Variants in UPF2 observed in about 807,000 individuals in gnomAD.
UPF2 encodes UPF2 regulator of nonsense mediated mRNA decay.
A neutral mutation model predicts 141.4 loss-of-function variants in UPF2; 17 were observed. The ratio of observed to expected loss-of-function variants is 0.12; its 90% CI spans 0.08 to 0.18. The LOEUF (loss-of-function observed/expected upper bound fraction) is 0.18. Ranked by LOEUF, UPF2 falls within the 10% of genes least tolerant of loss-of-function variation. The pLI, the probability that UPF2 is intolerant of heterozygous loss-of-function variation, is 1.00. For synonymous variants in UPF2, 540 were observed against 498.0 expected (o/e 1.08, Z -1.12); for missense variants, 1,152 against 1,515.9 (o/e 0.76, Z 3.99).
intron 16 of UPF2, among the ~76,000 whole-genome samples, chr10:11,945,295 T>C (rs568928980): frequency 2.0e-5 from 3 of 152,330 alleles, no homozygotes; most frequent in African/African-American, 7.2e-5. Context: ...AAGATAAAAA[T>C]AGAACACAGC....
At chr10:11,955,907 C>T (rs1833141461) in intron 13 of UPF2, among the ~76,000 whole-genome samples, 4 of 152,098 alleles carry the variant, frequency 2.6e-5, no homozygotes, top group Admixed American at 2.6e-4. Flanking sequence ...TTTTGGGAGG[C>T]CAAGACAGGT....
Position 11,986,016 on chromosome 10 carries a change from C to G in UPF2, c.1845-6851G>C, listed in dbSNP as rs1196877202. Among the ~76,000 whole-genome samples, 3 of 151,384 alleles carry G rather than the reference C, an allele frequency of 2.0e-5. No homozygotes were observed. The East Asian group carries it at 5.9e-4, about 30-fold the overall frequency. ...TCTCCTGCCTCAGCCTCCCGAGTAG[C>G]TGGGACTACAGGCGCCCGCCACCAA... On this transcript the variant is annotated intron_variant, in intron 8 of 21. Coordinates refer to ENST00000357604, the MANE Select transcript of UPF2 (RefSeq NM_015542.4).
chr10:11,940,673 G>A lies in UPF2; in HGVS notation c.3378+1992C>T, dbSNP rs898847517. 2.0e-5 allele frequency among the ~76,000 whole-genome samples: 3 copies of A among 152,062 alleles called. No individual in the cohort carries two copies. The highest frequency in any genetic ancestry group is 2.9e-5 in the Non-Finnish European group (2 of 68,006). On this transcript the variant is annotated intron_variant, in intron 18 of 21. Coordinates refer to ENST00000357604, the MANE Select transcript of UPF2 (RefSeq NM_015542.4). This position sits in a 1 kb window ranked among gnomAD's most constrained non-coding sequence, Gnocchi z 4.2. The stretch of plus-strand genomic sequence containing the variant: ...AAATAAGCCAGGTCGTTCTACCTCC[G>A]AAATAGCTCAAATCCAGACTTCTCT...
chr10:12,008,474 C>CA (rs1359917576), intron 4 of UPF2, among the ~76,000 whole-genome samples: 1 of 151,272 alleles, frequency 6.6e-6, no homozygotes, highest in Admixed American at 6.6e-5. Context: ...ACTAAAAATA[C>CA]AAAAAATTAG....
rs113233022 is a variant in UPF2 at position 11,984,238 on chromosome 10, G to A, written c.1845-5073C>T. 2.2e-3 allele frequency among the ~76,000 whole-genome samples: 329 copies of A among 152,228 alleles called. 1 individual carries two copies. Among genetic ancestry groups the A allele is most frequent in the Admixed American group, 7.1e-3 (109 of 15,300 alleles). On this transcript the variant is annotated intron_variant, in intron 8 of 21. Coordinates refer to ENST00000357604, the MANE Select transcript of UPF2 (RefSeq NM_015542.4). ...GCCCGATCAATTAATAACTTTTAAC[G>A]CTTTCTTCCATGATTACCGTTCTAT...
At chr10:11,932,819 C>A (rs1301533920) in intron 19 of UPF2, among the ~76,000 whole-genome samples, 2 of 152,124 alleles carry the variant, frequency 1.3e-5, no homozygotes, top group African/African-American at 2.4e-5. Flanking sequence ...AACATACAAT[C>A]CCAAGTTACT....
rs565216083 is a variant in UPF2, at chr10:12,016,210, A to T, written c.1146-2026T>A. Among the ~76,000 whole-genome samples the T allele has an allele frequency of 7.9e-3, 1,201 of 152,036 alleles. 7 individuals carry two copies. Among genetic ancestry groups the T allele is most frequent in the Non-Finnish European group, 0.013 (911 of 67,976 alleles). On this transcript the variant is annotated intron_variant, in intron 3 of 21. Coordinates refer to ENST00000357604, the MANE Select transcript of UPF2 (RefSeq NM_015542.4). This position sits in a 1 kb window ranked among gnomAD's most constrained non-coding sequence, Gnocchi z 4.1. The stretch of plus-strand genomic sequence containing the variant: ...TCATTTTGGAAGTGAAAAGTCATTT[A>T]AAAAAAATTTTTTTTAATTTACTTT...
At chr10:12,029,971 C>CAA (rs568108700) in intron 2 of UPF2, among the ~76,000 whole-genome samples, 1 of 135,828 alleles carries the variant, frequency 7.4e-6, no homozygotes, top group Non-Finnish European at 1.6e-5. Context: ...AAAAAAAAAA[C>CAA]AAAAAAAAAA....
At chr10:11,960,831 C>A (rs1000105613) in intron 11 of UPF2, among the ~76,000 whole-genome samples, 1 of 151,392 alleles carries the variant, frequency 6.6e-6, no homozygotes, top group African/African-American at 2.4e-5. Flanking sequence ...CTGGCTCATG[C>A]CTGTAATCCC....
rs1588529919 is a variant in UPF2, at chr10:11,943,248, A to G, written c.3175-80T>C. 4 of 1,189,136 alleles carry G rather than the reference A, an allele frequency of 3.4e-6. No homozygotes were observed. The East Asian group carries it at 9.4e-5, about 28-fold the overall frequency. The allele number at this position is 1,189,136 out of a possible 1,614,324, so 73.7% of individuals were successfully genotyped here. A position where few individuals can be genotyped will look rare whatever the true frequency, so the allele number is the denominator to read the frequency against. Reference sequence around the variant, plus strand: ...TTACATGCCTTAAAAAGATTTCAAAACTTCTGTATAATTGTTTATTATTCT... The same window carrying G: ...TTACATGCCTTAAAAAGATTTCAAAGCTTCTGTATAATTGTTTATTATTCT... On this transcript the variant is annotated intron_variant, in intron 16 of 21. Transcript: ENST00000357604.
rs1352714757 is a variant in UPF2 at position 12,014,880 on chromosome 10, G to C, written c.1146-696C>G. Among the ~76,000 whole-genome samples, 1 of 152,106 alleles carries C rather than the reference G, an allele frequency of 6.6e-6. No homozygotes were observed. The highest frequency in any genetic ancestry group is 1.5e-5 in the Non-Finnish European group (1 of 68,012). On this transcript the variant is annotated intron_variant, in intron 3 of 21. Coordinates refer to ENST00000357604, the MANE Select transcript of UPF2 (RefSeq NM_015542.4). This position sits in a 1 kb window ranked among gnomAD's most constrained non-coding sequence, Gnocchi z 5.0. ...GTGCAAGTACTGGTTATTTATCCAG[G>C]TAACAAATACTGAGAAGTCCACTCA...
chr10:11,957,079 C>T (rs1444356643), intron 12 of UPF2, among the ~76,000 whole-genome samples: 3 of 152,146 alleles, frequency 2.0e-5, no homozygotes, highest in Non-Finnish European at 2.9e-5. Context: ...CTTGGCCTCC[C>T]AAAGTGCTGG....
At chr10:11,951,814 T>A (rs538217895) in intron 15 of UPF2, among the ~76,000 whole-genome samples, 1 of 152,296 alleles carries the variant, frequency 6.6e-6, no homozygotes, top group East Asian at 1.9e-4. Flanking sequence ...ATTGTGGGTT[T>A]TTTTTCCCCC....
intron 2 of UPF2, among the ~76,000 whole-genome samples, chr10:12,030,262 C>T (rs1391167443): frequency 6.6e-6 from 1 of 151,998 alleles, no homozygotes; most frequent in Non-Finnish European, 1.5e-5. Context: ...AAAGAATTAG[C>T]ACTACAAGAC....
chr10:12,001,930 G>A (rs959338322), intron 5 of UPF2, 105 bp from the exon 6 acceptor site: 20 of 1,043,806 alleles, frequency 1.9e-5, no homozygotes, highest in Non-Finnish European at 2.4e-5. Flanking sequence ...TTTAGAAGCT[G>A]CATGTATACC....
intron 4 of UPF2, among the ~76,000 whole-genome samples, chr10:12,011,929 G>C (rs1188593446): frequency 6.6e-5 from 10 of 151,566 alleles, no homozygotes. Context: ...TGGGCAGCAA[G>C]AGCGAAACTC....
At chr10:11,929,232 T>C (rs747210583) in intron 21 of UPF2, among the ~76,000 whole-genome samples, 1 of 152,202 alleles carries the variant, frequency 6.6e-6, no homozygotes, top group Non-Finnish European at 1.5e-5. Flanking sequence ...TTTGTAAACA[T>C]CGATATTAAT....
intron 14 of UPF2, 118 bp from the exon 15 acceptor site, chr10:11,952,367 GA>G: frequency 1.2e-6 from 1 of 854,818 alleles, no homozygotes; most frequent in East Asian, 2.9e-5. Flanking sequence ...GGTTATAAAA[GA>G]CACTTACCAT....
At position 11,956,102 on chromosome 10, in the gene UPF2, G is replaced by A. The variant is rs1833145401; in HGVS notation, c.2574+218C>T. On this transcript the variant is annotated intron_variant, in intron 13 of 21. Coordinates refer to ENST00000357604, the MANE Select transcript of UPF2 (RefSeq NM_015542.4). This position sits in a 1 kb window ranked among gnomAD's most constrained non-coding sequence, Gnocchi z 4.2. ...GAAGAGGTTGCAGCGAGCGGAGATC[G>A]TGCCAGTGCACTCCAGCCTGGGTGA... 6.6e-6 allele frequency among the ~76,000 whole-genome samples: 1 copy of A among 150,866 alleles called. No individual in the cohort carries two copies. The highest frequency in any genetic ancestry group is 2.4e-5 in the African/African-American group (1 of 40,956).
Sources: gnomAD v4.1 joint callset for allele counts (sites outside exome capture counted in the v4.1 genomes callset) on GRCh38, gnomAD v4.1.1 for gene constraint, Gnocchi (gnomAD v3.1) non-coding constraint, MANE v1.5 for transcripts, NCBI Gene and HGNC (gene_info 2026-07-23, HGNC 2026-07-21) for gene names.